Variants in SLC35D4 observed in about 807,000 individuals in gnomAD.
The protein encoded by SLC35D4 is UDP-N-acetylglucosamine transporter SLC35D4.
the SLC35D4 span, among the ~76,000 whole-genome samples, chr18:23,274,934 T>C: frequency 1.4e-4 from 22 of 152,158 alleles, no homozygotes; most frequent in African/African-American, 5.3e-4. Flanking sequence ...TGTGTGCTTG[T>C]GTGTGTTTGT....
chr18:23,318,338 A>G, the SLC35D4 span, among the ~76,000 whole-genome samples: 2 of 152,212 alleles, frequency 1.3e-5, no homozygotes, highest in Non-Finnish European at 2.9e-5. Flanking sequence ...TATGAGTCCC[A>G]TATCAGATAT....
At chr18:23,265,449 A>G in the SLC35D4 span, among the ~76,000 whole-genome samples, 157 of 152,142 alleles carry the variant, frequency 1.0e-3, no homozygotes, top group African/African-American at 3.6e-3. Flanking sequence ...AGTACGGGCA[A>G]TCTGGGGTTG....
the SLC35D4 span, among the ~76,000 whole-genome samples, chr18:23,288,973 G>C: frequency 6.6e-6 from 1 of 152,158 alleles, no homozygotes; most frequent in African/African-American, 2.4e-5. Flanking sequence ...GCCTGTCCTC[G>C]GAATGCTACA....
chr18:23,303,150 G>T, the SLC35D4 span, among the ~76,000 whole-genome samples: 48 of 152,316 alleles, frequency 3.2e-4, 1 homozygote, highest in African/African-American at 1.2e-3. Context: ...GCTTGAACAC[G>T]CCTAGTATAT....
chr18:23,388,510 C>T, the SLC35D4 span, among the ~76,000 whole-genome samples: 1 of 152,202 alleles, frequency 6.6e-6, no homozygotes, highest in Non-Finnish European at 1.5e-5. Context: ...AAGCCCACAC[C>T]TTCTAGCCTT....
the SLC35D4 span, among the ~76,000 whole-genome samples, chr18:23,328,396 C>T: frequency 6.6e-6 from 1 of 152,126 alleles, no homozygotes; most frequent in Non-Finnish European, 1.5e-5. Context: ...CATAAGCATT[C>T]CTATACACCA....
chr18:23,258,101 G>A, the SLC35D4 span: 1 of 152,318 alleles, frequency 6.6e-6, no homozygotes, highest in African/African-American at 2.4e-5. Flanking sequence ...TACCCACCAA[G>A]GGGATAAAGA....
At chr18:23,354,358 A>AT in the SLC35D4 span, among the ~76,000 whole-genome samples, 1 of 150,184 alleles carries the variant, frequency 6.7e-6, no homozygotes, top group African/African-American at 2.4e-5. Context: ...AAAAAAAAAA[A>AT]AAAAAAAAGA....
the SLC35D4 span, among the ~76,000 whole-genome samples, chr18:23,383,677 G>T: frequency 6.6e-6 from 1 of 152,128 alleles, no homozygotes; most frequent in East Asian, 1.9e-4. Context: ...TGCGAGGGAT[G>T]GTTTTGTAAA....
At chr18:23,342,770 G>T in the SLC35D4 span, among the ~76,000 whole-genome samples, 2 of 152,274 alleles carry the variant, frequency 1.3e-5, no homozygotes, top group South Asian at 4.1e-4. Flanking sequence ...TAGTGGGTGC[G>T]TGGTGATATC....
chr18:23,353,075 C>CTGTGTGTGTGTGTGTGTG, the SLC35D4 span, among the ~76,000 whole-genome samples: 16 of 65,060 alleles, frequency 2.5e-4, no homozygotes, highest in African/African-American at 8.5e-4. Context: ...GTGAGACAGA[C>CTGTGTGTGTGTGTGTGTG]AGTGTGTGTG....
At chr18:23,359,698 T>C in the SLC35D4 span, among the ~76,000 whole-genome samples, 1 of 152,226 alleles carries the variant, frequency 6.6e-6, no homozygotes, top group Admixed American at 6.5e-5. Flanking sequence ...CTGCTTGCTC[T>C]GTCTCACACA....
the SLC35D4 span, among the ~76,000 whole-genome samples, chr18:23,267,854 C>T: frequency 0.02 from 2,981 of 152,336 alleles, 112 homozygotes; most frequent in African/African-American, 0.068. Flanking sequence ...CAGGCCCGCA[C>T]CATGTGCACT....
the SLC35D4 span, among the ~76,000 whole-genome samples, chr18:23,319,438 T>C: frequency 3.2e-3 from 493 of 151,780 alleles, 4 homozygotes; most frequent in African/African-American, 0.011. Context: ...GCCCAGCTAA[T>C]GTTTGTATTT....
chr18:23,312,819 C>T, the SLC35D4 span, among the ~76,000 whole-genome samples: 1 of 152,062 alleles, frequency 6.6e-6, no homozygotes, highest in Non-Finnish European at 1.5e-5. Flanking sequence ...CAGTCACATT[C>T]GACAAAGGGT....
chr18:23,352,450 A>AT, the SLC35D4 span, among the ~76,000 whole-genome samples: 2 of 152,212 alleles, frequency 1.3e-5, no homozygotes, highest in Non-Finnish European at 2.9e-5. Context: ...AATAAAAAAA[A>AT]TTTTAAAGTC....
chr18:23,382,379 C>A, the SLC35D4 span, among the ~76,000 whole-genome samples: 1 of 151,544 alleles, frequency 6.6e-6, no homozygotes, highest in African/African-American at 2.4e-5. Context: ...CATTTAGTGA[C>A]TCTTTAGCTC....
chr18:23,348,983 ATGTGT>A, the SLC35D4 span, among the ~76,000 whole-genome samples: 4 of 152,222 alleles, frequency 2.6e-5, no homozygotes, highest in Non-Finnish European at 5.9e-5. Flanking sequence ...AGCATGTTGA[ATGTGT>A]CACCCCACTT....
the SLC35D4 span, chr18:23,430,704 A>C: frequency 6.3e-7 from 1 of 1,599,550 alleles, no homozygotes; most frequent in Non-Finnish European, 8.6e-7. Context: ...AAATTACTGG[A>C]CATTTCAAAT....
Sources: allele counts gnomAD v4.1 joint callset (sites outside exome capture counted in the v4.1 genomes callset), GRCh38; gene constraint gnomAD v4.1.1; transcripts MANE v1.5; gene names NCBI Gene and HGNC (gene_info 2026-07-23, HGNC 2026-07-21).